RYR1: variants seen among roughly 807,000 people sequenced by gnomAD.
RYR1 encodes the protein central core disease of muscle.
A neutral mutation model predicts 583.5 loss-of-function variants in RYR1; 342 were observed. That is an observed-to-expected ratio of 0.59 (90% CI 0.54 to 0.64). RYR1 has a LOEUF of 0.64. Among genes scored for constraint, RYR1 ranks in the 30% least tolerant of loss-of-function variants. The pLI is 0.00. For missense variants in RYR1, 6,032 were observed against 6,917.2 expected (o/e 0.87, Z 4.54); for synonymous variants, 2,791 against 2,822.5 (o/e 0.99, Z 0.35).
intron 90 of RYR1, among the ~76,000 whole-genome samples, chr19:38,562,124 G>A (rs1276776276): frequency 6.6e-6 from 1 of 151,904 alleles, no homozygotes. Flanking sequence ...TTTGTTCACT[G>A]TCCACTTGCC....
At chr19:38,582,928 C>T (rs1349199421) in intron 101 of RYR1, among the ~76,000 whole-genome samples, 5 of 152,132 alleles carry the variant, frequency 3.3e-5, no homozygotes, top group East Asian at 1.9e-4. Context: ...CCCACAGCCT[C>T]GTTCTCATTA....
chr19:38,537,584 C>T lies in RYR1; in HGVS notation c.11609-296C>T, dbSNP rs865783616. ...TGCTAGGTCAGCAGACTCTCCCGAA[C>T]GTAACACAAGTGGTGACATCAGAGG... On this transcript the variant is annotated intron_variant, in intron 83 of 105. Transcript: ENST00000359596. Among the ~76,000 whole-genome samples, 5 of 152,266 alleles carry T rather than the reference C, an allele frequency of 3.3e-5. No homozygotes were observed. In the East Asian group the frequency reaches 5.8e-4, roughly 18 times the overall value.
intron 76 of RYR1, among the ~76,000 whole-genome samples, chr19:38,532,183 G>T (rs538717980): frequency 2.7e-5 from 4 of 150,466 alleles, no homozygotes; most frequent in Admixed American, 2.0e-4. Flanking sequence ...GTACGGTGGC[G>T]CAATGTCAGC....
intron 27 of RYR1, among the ~76,000 whole-genome samples, chr19:38,471,464 G>C (rs1268600058): frequency 6.6e-6 from 1 of 152,086 alleles, no homozygotes; most frequent in Non-Finnish European, 1.5e-5. Context: ...CAGGATTTCG[G>C]GGCTGCAGTG....
Position 38,517,510 on chromosome 19 carries a change from C to A in RYR1, c.9837C>A (p.Ser3279Arg). 10 of 1,614,122 alleles carry A rather than the reference C, an allele frequency of 6.2e-6. No homozygotes were observed. Among genetic ancestry groups the A allele is most frequent in the Non-Finnish European group, 7.6e-6 (9 of 1,180,006 alleles). Reference sequence around the variant, plus strand: ...AGATCACGCTGCCCATGCTATGCAGCTACCTGCCCCGATGGTGGGAGCGCG... The same window carrying A: ...AGATCACGCTGCCCATGCTATGCAGATACCTGCCCCGATGGTGGGAGCGCG... ...VIEITLPMLC[S>R]YLPRWWERGP... is the part of the protein sequence containing the mutation. Residue 3279 changes from serine (S) to arginine (R), a missense_variant, in exon 66 of 106, where the codon AGC becomes AGA. By Grantham distance (110) the Ser-to-Arg change is moderately radical. Around this residue, in one of 11 missense-constraint regions of RYR1, gnomAD observed 1,493 missense variants for 1,715.5 expected, o/e 0.87. Coordinates refer to ENST00000359596, the MANE Select transcript of RYR1 (RefSeq NM_000540.3).
chr19:38,467,909 C>T, intron 25 of RYR1, 97 bp downstream of exon 25: 1 of 1,105,724 alleles, frequency 9.0e-7, no homozygotes, highest in Non-Finnish European at 1.3e-6. Context: ...CACTCTGTCC[C>T]CACTTCATGC....
intron 90 of RYR1, among the ~76,000 whole-genome samples, chr19:38,562,599 A>G (rs1973198926): frequency 6.6e-6 from 1 of 151,954 alleles, no homozygotes; most frequent in Non-Finnish European, 1.5e-5. Flanking sequence ...CTCATGTCCC[A>G]CACAGAGCCC....
chr19:38,525,436 C>A lies in RYR1; in HGVS notation c.10560C>A (p.Ile3520=). 2 of 1,614,004 alleles carry A rather than the reference C, an allele frequency of 1.2e-6. No individual in the cohort carries two copies. The highest frequency in any genetic ancestry group is 1.3e-5 in the African/African-American group (1 of 74,978). Residue 3520 remains isoleucine (I), a synonymous_variant, in exon 71 of 106, where the codon ATC becomes ATA. Transcript: ENST00000359596. ...CCACACTGAAGAAGATGCTGCCCAT[C>A]GGCCTGAATATGTGTGCGCCCACCG... ...IVATLKKMLP[I]GLNMCAPTDQ... is the part of the protein sequence containing the mutation.
chr19:38,508,353 G>T (rs1274558699), intron 58 of RYR1, among the ~76,000 whole-genome samples: 1 of 152,020 alleles, frequency 6.6e-6, no homozygotes, highest in African/African-American at 2.4e-5. Flanking sequence ...GGGACCACAG[G>T]CACGGGCGCC....
chr19:38,464,137 C>A (rs1967951910), intron 22 of RYR1, among the ~76,000 whole-genome samples: 1 of 151,574 alleles, frequency 6.6e-6, no homozygotes, highest in South Asian at 2.1e-4. Flanking sequence ...CTTAGCCGGG[C>A]GTGGTGGTGC....
At position 38,496,734 on chromosome 19, in the gene RYR1, G is replaced by C. The variant is rs1356253035; in HGVS notation, c.6797-126G>C. 1 of 1,148,908 alleles carries C rather than the reference G, an allele frequency of 8.7e-7. No individual in the cohort carries two copies. Among genetic ancestry groups the C allele is most frequent in the Non-Finnish European group, 1.3e-6 (1 of 769,082 alleles). 71.2% of individuals were successfully genotyped at this position (1,148,908 alleles called of 1,614,324 possible). A position where few individuals can be genotyped will look rare whatever the true frequency, so the allele number is the denominator to read the frequency against. ...GACAGCCCAGAGTGGTCAGAGCTTG[G>C]ATGAGGGAAGTACAGACCAGAGGAG... On this transcript the variant is annotated intron_variant, in intron 41 of 105. Coordinates refer to ENST00000359596, the MANE Select transcript of RYR1 (RefSeq NM_000540.3). The surrounding 1 kb of genome is among the most constrained non-coding windows in gnomAD (Gnocchi z 4.8).
intron 95 of RYR1, 115 bp downstream of exon 95, chr19:38,572,385 C>T (rs921135660): frequency 1.6e-6 from 2 of 1,251,574 alleles, no homozygotes; most frequent in Admixed American, 2.1e-5. Context: ...ACAGAGGGGG[C>T]CTAGGGTTGG....
intron 69 of RYR1, chr19:38,523,642 C>T: frequency 1.6e-6 from 1 of 611,096 alleles, no homozygotes; most frequent in South Asian, 2.0e-5. Flanking sequence ...TTTCCCTCCT[C>T]CTCCTCCTCC....
intron 42 of RYR1, among the ~76,000 whole-genome samples, chr19:38,497,252 C>T (rs977235289): frequency 4.0e-5 from 6 of 150,480 alleles, no homozygotes; most frequent in Admixed American, 6.6e-5. Flanking sequence ...GGGGCGGATC[C>T]GCAGTCTACA....
intron 1 of RYR1, among the ~76,000 whole-genome samples, chr19:38,436,539 ACATT>A (rs1387112888): frequency 6.6e-6 from 1 of 152,142 alleles, no homozygotes; most frequent in Non-Finnish European, 1.5e-5. Context: ...AATATTTTTG[ACATT>A]CATCCATGTA....
At chr19:38,495,370 G>C (rs142836103) in intron 39 of RYR1, among the ~76,000 whole-genome samples, 20 of 152,246 alleles carry the variant, frequency 1.3e-4, no homozygotes, top group African/African-American at 4.1e-4. Flanking sequence ...TTTTGAGACA[G>C]GGCCTCACTC....
rs2960323 is a variant in RYR1 at position 38,501,000 on chromosome 19, C to A, written c.7614+10C>A. ...CGCCTCGCTGGACACGGTGAGCAACCCTGCCCAGCCTGGCCACCCTCCCCA... is the reference window on the plus strand; with the variant it reads ...CGCCTCGCTGGACACGGTGAGCAACACTGCCCAGCCTGGCCACCCTCCCCA... On this transcript the variant is annotated intron_variant, in intron 47 of 105. Transcript: ENST00000359596. The surrounding 1 kb of genome is among the most constrained non-coding windows in gnomAD (Gnocchi z 5.9). 6.2e-7 allele frequency: 1 copy of A among 1,611,154 alleles called. No individual in the cohort carries two copies. Among genetic ancestry groups the A allele is most frequent in the Admixed American group, 1.7e-5 (1 of 59,714 alleles).
In RYR1 at chr19:38,566,951, C is replaced by T; in HGVS notation, c.13478C>T (p.Pro4493Leu). The T allele has an allele frequency of 6.2e-7, 1 of 1,606,356 alleles. No individual in the cohort carries two copies. The highest frequency in any genetic ancestry group is 8.5e-7 in the Non-Finnish European group (1 of 1,176,720). Residue 4493 changes from proline to leucine, a missense_variant, in exon 92 of 106, where the codon CCC becomes CTC. Coordinates refer to ENST00000359596, the MANE Select transcript of RYR1 (RefSeq NM_000540.3). Reference protein sequence around the residue: ...VEEELPPEPEPEPEPELEPEK... With the variant: ...VEEELPPEPELEPEPELEPEK... ...GAGGAGCTCCCGCCAGAGCCAGAGC[C>T]CGAGCCGGAACCAGAGCTGGAGCCG...
intron 101 of RYR1, among the ~76,000 whole-genome samples, chr19:38,581,151 C>G (rs1204275548): frequency 1.3e-5 from 2 of 151,116 alleles, no homozygotes; most frequent in Non-Finnish European, 3.0e-5. Flanking sequence ...GATCTCAGCT[C>G]ACTGCAAGCT....
Sources: allele counts gnomAD v4.1 joint callset (sites outside exome capture counted in the v4.1 genomes callset), GRCh38; gene constraint gnomAD v4.1.1; regional missense constraint gnomAD v4.1.1; non-coding constraint Gnocchi (gnomAD v3.1); transcripts MANE v1.5; gene names NCBI Gene and HGNC (gene_info 2026-07-23, HGNC 2026-07-21).